The following LGR6 variants were observed in gnomAD, a reference collection of about 807,000 sequenced individuals.
The protein encoded by LGR6 is leucine-rich repeat-containing G protein-coupled receptor 6.
LGR6 carries 45 observed loss-of-function variants against 69.4 expected under a neutral mutation model. The ratio of observed to expected loss-of-function variants is 0.65; its 90% CI spans 0.51 to 0.83. The LOEUF (loss-of-function observed/expected upper bound fraction) is 0.83. Ranked by LOEUF, LGR6 falls within the 40% of genes least tolerant of loss-of-function variation. The pLI is 0.00. For synonymous variants in LGR6, 538 were observed against 555.0 expected, an observed-to-expected ratio of 0.97 and a Z score of 0.43; for missense variants, 1,108 against 1,246.7, an observed-to-expected ratio of 0.89 and a Z score of 1.68.
chr1:202,315,242 C>A (rs573208607), intron 17 of LGR6, among the ~76,000 whole-genome samples: 95 of 152,252 alleles, frequency 6.2e-4, no homozygotes, highest in South Asian at 1.9e-3. Context: ...AGTCTAAGAC[C>A]CATACCACAG....
At chr1:202,228,569 T>G (rs1660753255) in intron 3 of LGR6, among the ~76,000 whole-genome samples, 1 of 152,216 alleles carries the variant, frequency 6.6e-6, no homozygotes, top group African/African-American at 2.4e-5. Flanking sequence ...GGAGAGGACC[T>G]TTTGTTATTC....
chr1:202,216,325 A>AGT (rs768842349), intron 1 of LGR6, among the ~76,000 whole-genome samples: 1 of 152,222 alleles, frequency 6.6e-6, no homozygotes, highest in Non-Finnish European at 1.5e-5. Context: ...AGACAGGTGA[A>AGT]GTAATTATCC....
At chr1:202,267,780 G>A (rs1470681480) in intron 4 of LGR6, among the ~76,000 whole-genome samples, 1 of 152,206 alleles carries the variant, frequency 6.6e-6, no homozygotes, top group East Asian at 1.9e-4. Flanking sequence ...TCTGGAAAGA[G>A]ACTATGTGTT....
chr1:202,217,748 G>A (rs539533328), intron 1 of LGR6, among the ~76,000 whole-genome samples: 1 of 151,904 alleles, frequency 6.6e-6, no homozygotes, highest in African/African-American at 2.4e-5. Context: ...AAGCCCTCCT[G>A]CCACTCCAGG....
intron 6 of LGR6, among the ~76,000 whole-genome samples, chr1:202,295,373 A>G (rs1667081504): frequency 6.6e-6 from 1 of 151,276 alleles, no homozygotes; most frequent in Non-Finnish European, 1.5e-5. Context: ...AGATACTTCC[A>G]TGTCATTTAT....
chr1:202,306,163 A>G (rs1256586263), intron 12 of LGR6, among the ~76,000 whole-genome samples: 1 of 152,198 alleles, frequency 6.6e-6, no homozygotes, highest in Non-Finnish European at 1.5e-5. Flanking sequence ...AAACACGCAC[A>G]TGCATATGTG....
chr1:202,205,597 CAT>C (rs1659175418), intron 1 of LGR6, among the ~76,000 whole-genome samples: 1 of 145,428 alleles, frequency 6.9e-6, no homozygotes, highest in Non-Finnish European at 1.5e-5. Context: ...CTCCTTCAAA[CAT>C]ACACACACAC....
chr1:202,302,695 C>A (rs148145622), intron 9 of LGR6, among the ~76,000 whole-genome samples: 1 of 152,068 alleles, frequency 6.6e-6, no homozygotes, highest in African/African-American at 2.4e-5. Context: ...TACAGGCGCC[C>A]GCCACCACGC....
rs1663113223 is a variant in LGR6 at position 202,250,243 on chromosome 1, GATTC to G, written c.428+14256_428+14259del. On this transcript the variant is annotated intron_variant, in intron 4 of 17. Coordinates refer to ENST00000367278, the MANE Select transcript of LGR6 (RefSeq NM_001017403.2). The stretch of plus-strand genomic sequence containing the variant: ...TCTCCTCCTGAAGGAGGCCTTTTCT[GATTC>G]ATTCAGCTGCCTCTGTGCTGCACTC... Among the ~76,000 whole-genome samples, 5 of 152,232 alleles carry G rather than the reference GATTC, an allele frequency of 3.3e-5. No homozygotes were observed. The South Asian group carries it at 1.0e-3, about 32-fold the overall frequency.
chr1:202,316,588 A>G (rs1558089913), intron 17 of LGR6, among the ~76,000 whole-genome samples: 4 of 152,124 alleles, frequency 2.6e-5, no homozygotes, highest in Non-Finnish European at 4.4e-5. Flanking sequence ...TTGAAAACCT[A>G]TATGTATGTA....
At chr1:202,270,683 T>C (rs1259024607) in intron 4 of LGR6, among the ~76,000 whole-genome samples, 2 of 152,238 alleles carry the variant, frequency 1.3e-5, no homozygotes, top group Non-Finnish European at 2.9e-5. Context: ...TAGTGTACGC[T>C]ATTGTCCTGG....
chr1:202,292,826 A>G (rs1201779616), intron 6 of LGR6, among the ~76,000 whole-genome samples: 4 of 152,228 alleles, frequency 2.6e-5, no homozygotes, highest in Admixed American at 2.6e-4. Context: ...CTGAGAGCCA[A>G]ATCTTACATT....
At chr1:202,212,567 C>T (rs1315584631) in intron 1 of LGR6, among the ~76,000 whole-genome samples, 1 of 152,212 alleles carries the variant, frequency 6.6e-6, no homozygotes, top group South Asian at 2.1e-4. Context: ...TCCAGCTTCT[C>T]GTGGTTACCA....
At chr1:202,256,072 G>A (rs1239316382) in intron 4 of LGR6, among the ~76,000 whole-genome samples, 1 of 152,028 alleles carries the variant, frequency 6.6e-6, no homozygotes, top group Non-Finnish European at 1.5e-5. Flanking sequence ...CTGACAACCA[G>A]TAATCTGCTT....
chr1:202,274,504 A>C (rs1665376027), intron 4 of LGR6, among the ~76,000 whole-genome samples: 1 of 152,230 alleles, frequency 6.6e-6, no homozygotes, highest in African/African-American at 2.4e-5. Flanking sequence ...CTTCTCCAGC[A>C]ATCCAAGGTT....
At chr1:202,275,874 G>A (rs1233071585) in intron 4 of LGR6, among the ~76,000 whole-genome samples, 1 of 152,180 alleles carries the variant, frequency 6.6e-6, no homozygotes, top group Non-Finnish European at 1.5e-5. Context: ...AGATTTGGAA[G>A]CCCGGGAGTA....
chr1:202,232,238 T>C (rs1029339219), intron 3 of LGR6, among the ~76,000 whole-genome samples: 2 of 152,072 alleles, frequency 1.3e-5, no homozygotes, highest in African/African-American at 2.4e-5. Flanking sequence ...CCCAAGCACT[T>C]CTACAGAACT....
intron 6 of LGR6, among the ~76,000 whole-genome samples, chr1:202,281,199 G>T (rs1264694176): frequency 6.6e-6 from 1 of 152,138 alleles, no homozygotes; most frequent in Admixed American, 6.5e-5. Flanking sequence ...GAAGCCCGGG[G>T]AATAGAAGGC....
intron 1 of LGR6, among the ~76,000 whole-genome samples, chr1:202,215,915 A>G (rs1652825524): frequency 6.7e-6 from 1 of 150,038 alleles, no homozygotes; most frequent in South Asian, 2.1e-4. Context: ...TGCAGAGATC[A>G]GAGTCAAAAG....
Sources: allele counts gnomAD v4.1 joint callset (sites outside exome capture counted in the v4.1 genomes callset), GRCh38; gene constraint gnomAD v4.1.1; transcripts MANE v1.5; gene names NCBI Gene and HGNC (gene_info 2026-07-23, HGNC 2026-07-21).